Variants in CTPS2 observed in about 807,000 individuals in gnomAD.
CTPS2 encodes CTP synthase II.
Under a neutral mutation model 46.8 loss-of-function variants are expected in CTPS2, and 19 were observed. The observed-to-expected ratio is 0.41, with a 90% CI of 0.28 to 0.60. CTPS2 has a LOEUF of 0.60. Ranked by LOEUF, CTPS2 falls within the 20% of genes least tolerant of loss-of-function variation. The probability of loss-of-function intolerance (pLI) is 0.35; values close to 1 mark genes in which losing one functional copy is unlikely to be tolerated. For missense variants in CTPS2, 286 were observed against 447.6 expected (o/e 0.64, Z 3.26); for synonymous variants, 151 against 165.2 (o/e 0.91, Z 0.66).
intron 13 of CTPS2, chrX:16,650,994 A>T (rs768067846): frequency 1.7e-6 from 2 of 1,198,664 alleles, no homozygotes; most frequent in East Asian, 5.9e-5. Flanking sequence ...TTCCCAATTT[A>T]TAAGACACCA....
chrX:16,684,524 A>G (rs1209763723), intron 8 of CTPS2, among the ~76,000 whole-genome samples: 5 of 105,000 alleles, frequency 4.8e-5, no homozygotes, highest in Non-Finnish European at 9.8e-5. Flanking sequence ...AAAAAAAAAA[A>G]AAAACAAAAA....
At chrX:16,703,950 T>G (rs1424338578) in intron 1 of CTPS2, among the ~76,000 whole-genome samples, 1 of 107,075 alleles carries the variant, frequency 9.3e-6, no homozygotes, top group East Asian at 2.9e-4. Flanking sequence ...TTTTTTTTCT[T>G]TTTTTTTAGA....
At chrX:16,711,509 T>C (rs1397646511) in intron 1 of CTPS2, 1 of 110,965 alleles carries the variant, frequency 9.0e-6, no homozygotes, top group Non-Finnish European at 1.9e-5. Flanking sequence ...AAAAGAGTAC[T>C]TACCTGATGA....
intron 16 of CTPS2, among the ~76,000 whole-genome samples, chrX:16,614,743 C>CA (rs1398475432): frequency 1.9e-5 from 2 of 106,752 alleles, no homozygotes; most frequent in Non-Finnish European, 3.8e-5. Context: ...CCTGCCGCTA[C>CA]AAAAAAAATT....
At chrX:16,648,875 A>G (rs991247438) in intron 13 of CTPS2, among the ~76,000 whole-genome samples, 76 of 112,326 alleles carry the variant, frequency 6.8e-4, no homozygotes, top group African/African-American at 2.3e-3. Context: ...GCTGAGAAAC[A>G]TCAGGGAGAA....
At chrX:16,693,864 C>T (rs1337885410) in intron 4 of CTPS2, among the ~76,000 whole-genome samples, 1 of 111,607 alleles carries the variant, frequency 9.0e-6, no homozygotes, top group African/African-American at 3.3e-5. Flanking sequence ...TAGCCCATTG[C>T]TTCATTAAAA....
At chrX:16,686,059 T>C (rs1244780076) in intron 8 of CTPS2, among the ~76,000 whole-genome samples, 1 of 110,044 alleles carries the variant, frequency 9.1e-6, no homozygotes, top group African/African-American at 3.3e-5. Flanking sequence ...CTACAGGCTA[T>C]ACTGAGAGGA....
At chrX:16,608,521 G>T (rs998255406) in intron 17 of CTPS2, among the ~76,000 whole-genome samples, 3 of 111,521 alleles carry the variant, frequency 2.7e-5, no homozygotes, top group Admixed American at 9.6e-5. Flanking sequence ...TTGAGCCTAG[G>T]AGTTCAAGGC....
At chrX:16,619,299 A>G (rs1377176465) in intron 15 of CTPS2, among the ~76,000 whole-genome samples, 1 of 112,086 alleles carries the variant, frequency 8.9e-6, no homozygotes, top group Non-Finnish European at 1.9e-5. Flanking sequence ...TCTAAGCCAA[A>G]CATAATAAAC....
chrX:16,609,440 C>T, intron 17 of CTPS2, 101 bp downstream of exon 17: 1 of 863,523 alleles, frequency 1.2e-6, no homozygotes, highest in Non-Finnish European at 1.6e-6. Flanking sequence ...ACTGATTCTT[C>T]ACATTTAAAA....
chrX:16,663,114 T>A (rs1252275892), intron 13 of CTPS2, among the ~76,000 whole-genome samples: 21 of 110,990 alleles, frequency 1.9e-4, no homozygotes, highest in Non-Finnish European at 5.7e-5. Context: ...TAAAGCAAGG[T>A]GGGAACAGTG....
intron 13 of CTPS2, among the ~76,000 whole-genome samples, chrX:16,652,117 G>A (rs1302677213): frequency 8.9e-6 from 1 of 111,781 alleles, no homozygotes; most frequent in Non-Finnish European, 1.9e-5. Flanking sequence ...GGCAGGCCAG[G>A]TGATCAAATA....
intron 14 of CTPS2, among the ~76,000 whole-genome samples, chrX:16,629,621 C>T (rs1931357177): frequency 1.8e-5 from 2 of 110,577 alleles, no homozygotes; most frequent in Non-Finnish European, 3.8e-5. Context: ...AATTTTTAAA[C>T]TTCCTAATCT....
At chrX:16,687,030 A>C (rs1268350593) in intron 8 of CTPS2, among the ~76,000 whole-genome samples, 1 of 111,462 alleles carries the variant, frequency 9.0e-6, no homozygotes, top group Non-Finnish European at 1.9e-5. Flanking sequence ...GTGGCAGAGA[A>C]TCTCCTGCAG....
intron 2 of CTPS2, among the ~76,000 whole-genome samples, chrX:16,701,136 A>C (rs951399308): frequency 1.8e-5 from 2 of 112,214 alleles, no homozygotes; most frequent in Admixed American, 1.9e-4. Flanking sequence ...TCTACCACAG[A>C]CTTGAATAAG....
intron 17 of CTPS2, among the ~76,000 whole-genome samples, chrX:16,596,603 C>T (rs748937332): frequency 4.5e-5 from 5 of 110,741 alleles, no homozygotes; most frequent in Non-Finnish European, 9.5e-5. Context: ...TGTTGGACAT[C>T]TTGGGTTGGT....
intron 13 of CTPS2, among the ~76,000 whole-genome samples, chrX:16,639,777 A>AAAAGAAAGAAAG (rs10682704): frequency 0.036 from 2,593 of 72,602 alleles, 55 homozygotes; most frequent in Middle Eastern, 0.046. Flanking sequence ...AAAGGAAAAG[A>AAAAGAAAGAAAG]AAAGAAAGAA....
At chrX:16,666,475 T>C (rs1005633838) in intron 13 of CTPS2, among the ~76,000 whole-genome samples, 1 of 110,644 alleles carries the variant, frequency 9.0e-6, no homozygotes, top group South Asian at 3.8e-4. Flanking sequence ...GTTTAGATTG[T>C]CCAAACGTAA....
chrX:16,670,071 A>AAAC (rs754327191), intron 11 of CTPS2, among the ~76,000 whole-genome samples: 358 of 107,612 alleles, frequency 3.3e-3, no homozygotes, highest in Non-Finnish European at 5.0e-3. Flanking sequence ...AAAAAAAAAA[A>AAAC]ACACACACAC....
Sources: gnomAD v4.1 joint callset for allele counts (sites outside exome capture counted in the v4.1 genomes callset) on GRCh38, gnomAD v4.1.1 for gene constraint, MANE v1.5 for transcripts, NCBI Gene and HGNC (gene_info 2026-07-23, HGNC 2026-07-21) for gene names.